Variants in CDH2 observed in about 807,000 individuals in gnomAD.
The protein encoded by CDH2 is cadherin-2.
Under a neutral mutation model 92.0 loss-of-function variants are expected in CDH2, and 17 were observed. That is an observed-to-expected ratio of 0.18 (90% CI 0.13 to 0.28). The LOEUF is 0.28. Among genes scored for constraint, CDH2 ranks in the 10% least tolerant of loss-of-function variants. The pLI, the probability that CDH2 is intolerant of heterozygous loss-of-function variation, is 1.00. For synonymous variants in CDH2, 419 were observed against 415.9 expected (o/e 1.01, Z -0.09); for missense variants, 862 against 1,133.1 (o/e 0.76, Z 3.44).
chr18:28,023,029 C>G (rs997231863), intron 2 of CDH2, among the ~76,000 whole-genome samples: 1 of 151,886 alleles, frequency 6.6e-6, no homozygotes. Context: ...TTAATTAACT[C>G]TTGAAAAAAG....
intron 2 of CDH2, among the ~76,000 whole-genome samples, chr18:28,132,953 TG>T (rs145967926): frequency 6.6e-6 from 1 of 152,170 alleles, no homozygotes; most frequent in African/African-American, 2.4e-5. Flanking sequence ...AGTTCAGATT[TG>T]GGGGGAGTAT....
Position 28,176,993 on chromosome 18 carries a change from G to C in CDH2, c.30C>G (p.Thr10=). 4.7e-6 allele frequency: 7 copies of C among 1,474,622 alleles called. No individual in the cohort carries two copies. Among genetic ancestry groups the C allele is most frequent in the Non-Finnish European group, 6.3e-6 (7 of 1,115,044 alleles). The allele number at this position is 1,474,622 out of a possible 1,614,324, so 91.3% of individuals were successfully genotyped here. ...GCAGGGCCGCCAGCAGCGGCAGCAGGGTCCGCAGCGCTCCCGCTATCCGGC... is the reference window on the plus strand; with the variant it reads ...GCAGGGCCGCCAGCAGCGGCAGCAGCGTCCGCAGCGCTCCCGCTATCCGGC... MCRIAGALR[T]LLPLLAALLQ... is the part of the protein sequence containing the mutation. The change falls in exon 1 of 16, where the codon ACC becomes ACG. Residue 10 remains threonine (T), a synonymous_variant. Coordinates refer to ENST00000269141, the MANE Select transcript of CDH2 (RefSeq NM_001792.5).
intron 2 of CDH2, among the ~76,000 whole-genome samples, chr18:28,143,921 G>A (rs572213490): frequency 2.9e-4 from 44 of 151,954 alleles, no homozygotes; most frequent in Non-Finnish European, 4.0e-4. Flanking sequence ...ACTGAATGTC[G>A]TCACTCATAA....
intron 14 of CDH2, among the ~76,000 whole-genome samples, chr18:27,975,296 C>T (rs1383276961): frequency 6.6e-6 from 1 of 152,196 alleles, no homozygotes; most frequent in Non-Finnish European, 1.5e-5. Context: ...CTTTCCACAG[C>T]CACGTAGCCT....
At chr18:28,009,636 A>G in intron 5 of CDH2, 81 bp downstream of exon 5, 1 of 1,237,192 alleles carries the variant, frequency 8.1e-7, no homozygotes. Flanking sequence ...AGGCTTTCAG[A>G]CTGATATAAG....
downstream of CDH2, among the ~76,000 whole-genome samples, chr18:27,947,846 C>T (rs375553606): frequency 2.6e-5 from 4 of 151,592 alleles, no homozygotes; most frequent in Non-Finnish European, 4.4e-5. Flanking sequence ...AGTGTGTATA[C>T]GGTAAAGAAT....
intron 2 of CDH2, among the ~76,000 whole-genome samples, chr18:28,072,497 T>C (rs1306315337): frequency 6.6e-6 from 1 of 152,224 alleles, no homozygotes; most frequent in Admixed American, 6.5e-5. Context: ...ATCATGCACT[T>C]GTTAACTATC....
intron 11 of CDH2, among the ~76,000 whole-genome samples, chr18:27,987,306 GC>G (rs573700616): frequency 9.9e-4 from 151 of 152,228 alleles, no homozygotes; most frequent in African/African-American, 3.5e-3. Context: ...AATGGCAAAA[GC>G]TATTCCTACA....
chr18:27,980,218 C>T (rs760747677), intron 14 of CDH2, among the ~76,000 whole-genome samples: 20 of 152,124 alleles, frequency 1.3e-4, no homozygotes, highest in Non-Finnish European at 2.1e-4. Context: ...AATTCACATC[C>T]TCAGGGAGTC....
intron 2 of CDH2, among the ~76,000 whole-genome samples, chr18:28,065,770 A>G (rs574304629): frequency 6.6e-6 from 1 of 152,290 alleles, no homozygotes; most frequent in African/African-American, 2.4e-5. Flanking sequence ...GGAGAACATA[A>G]CCAATGATAT....
intron 2 of CDH2, among the ~76,000 whole-genome samples, chr18:28,027,964 A>G (rs1370710306): frequency 6.6e-6 from 1 of 151,962 alleles, no homozygotes; most frequent in Non-Finnish European, 1.5e-5. Context: ...CAACTGTATC[A>G]TTATTAGTCT....
At chr18:27,940,834 C>A (rs1292414296) in intron 6 of CDH2, among the ~76,000 whole-genome samples, 4 of 152,200 alleles carry the variant, frequency 2.6e-5, no homozygotes, top group African/African-American at 9.6e-5. Context: ...GTCATAATTA[C>A]AATAAATTAT....
chr18:28,068,764 AT>A (rs1396930191), intron 2 of CDH2, among the ~76,000 whole-genome samples: 1 of 152,210 alleles, frequency 6.6e-6, no homozygotes, highest in African/African-American at 2.4e-5. Flanking sequence ...TGAAGAAGAT[AT>A]ACAGAGTCAA....
At chr18:28,161,826 A>T (rs1259513826) in intron 1 of CDH2, among the ~76,000 whole-genome samples, 1 of 152,104 alleles carries the variant, frequency 6.6e-6, no homozygotes, top group South Asian at 2.1e-4. Flanking sequence ...AACATTCTTG[A>T]CCTTTGGCCA....
intron 6 of CDH2, 57 bp from the exon 7 acceptor site, chr18:28,003,226 A>C: frequency 7.7e-7 from 1 of 1,306,602 alleles, no homozygotes; most frequent in Non-Finnish European, 1.1e-6. Context: ...GGACCCCAAA[A>C]TAGAAGGTAT....
chr18:28,031,216 C>T (rs536501031), intron 2 of CDH2, among the ~76,000 whole-genome samples: 1 of 151,888 alleles, frequency 6.6e-6, no homozygotes, highest in East Asian at 1.9e-4. Context: ...GTAGTTTCAC[C>T]CTCCACCCAA....
intron 13 of CDH2, among the ~76,000 whole-genome samples, chr18:27,984,479 C>G (rs906656260): frequency 6.6e-6 from 1 of 152,210 alleles, no homozygotes; most frequent in African/African-American, 2.4e-5. Flanking sequence ...GTAATCATTT[C>G]TATTATCAAA....
At chr18:28,103,404 G>T (rs528957723) in intron 2 of CDH2, among the ~76,000 whole-genome samples, 7 of 142,298 alleles carry the variant, frequency 4.9e-5, no homozygotes, top group African/African-American at 1.8e-4. Context: ...TATATATAAA[G>T]TATGTATATA....
At chr18:27,975,070 C>G (rs1331897425) in intron 14 of CDH2, among the ~76,000 whole-genome samples, 1 of 152,170 alleles carries the variant, frequency 6.6e-6, no homozygotes, top group Non-Finnish European at 1.5e-5. Flanking sequence ...TTTCAGAATT[C>G]AGGCAGAGTG....
Sources: allele counts gnomAD v4.1 joint callset (sites outside exome capture counted in the v4.1 genomes callset), GRCh38; gene constraint gnomAD v4.1.1; transcripts MANE v1.5; gene names NCBI Gene and HGNC (gene_info 2026-07-23, HGNC 2026-07-21).